Variants in PDE4B observed in about 807,000 individuals in gnomAD.
PDE4B encodes the protein 3',5'-cyclic-AMP phosphodiesterase 4B.
PDE4B carries 20 observed loss-of-function variants against 82.2 expected under a neutral mutation model. That is an observed-to-expected ratio of 0.24 (90% CI 0.17 to 0.35). PDE4B has a LOEUF of 0.35. Among genes scored for constraint, PDE4B ranks in the 10% least tolerant of loss-of-function variants. The probability of loss-of-function intolerance (pLI) is 1.00; values close to 1 mark genes in which losing one functional copy is unlikely to be tolerated. For synonymous variants in PDE4B, 320 were observed against 318.9 expected (o/e 1.00, Z -0.04); for missense variants, 655 against 907.2 (o/e 0.72, Z 3.57).
intron 3 of PDE4B, among the ~76,000 whole-genome samples, chr1:65,955,274 T>C (rs996349333): frequency 6.6e-6 from 1 of 152,098 alleles, no homozygotes; most frequent in Non-Finnish European, 1.5e-5. Context: ...CATAAAGACC[T>C]TTTGTTCTGA....
At position 66,038,802 on chromosome 1, in the gene PDE4B, T is replaced by C. The variant is rs1034731567; in HGVS notation, c.281+119967T>C. On this transcript the variant is annotated intron_variant, in intron 3 of 16. Coordinates refer to ENST00000341517, the MANE Select transcript of PDE4B (RefSeq NM_002600.4). ...GTGAAAGACCAGGTCAAGTGGAAGA[T>C]AGCTGCATCTAAGCAGTCATTGAGT... is the stretch of plus-strand genomic sequence containing the variant. 1.1e-4 allele frequency among the ~76,000 whole-genome samples: 16 copies of C among 152,108 alleles called. No homozygotes were observed. In the East Asian group the frequency reaches 2.5e-3, roughly 24 times the overall value.
At chr1:65,881,785 G>C (rs1376811347) in intron 1 of PDE4B, among the ~76,000 whole-genome samples, 2 of 152,114 alleles carry the variant, frequency 1.3e-5, no homozygotes, top group African/African-American at 4.8e-5. Flanking sequence ...ATTTATGCTT[G>C]CTAAATCAGC....
chr1:65,968,120 A>G (rs778076840), intron 3 of PDE4B, among the ~76,000 whole-genome samples: 1 of 152,112 alleles, frequency 6.6e-6, no homozygotes, highest in Non-Finnish European at 1.5e-5. Context: ...TAATAGAAAG[A>G]CTATGGACCG....
rs1647122523 is a variant in PDE4B, at chr1:65,913,599, A to C, written c.42+243A>C. On this transcript the variant is annotated intron_variant, in intron 2 of 16. Transcript: ENST00000341517. The stretch of plus-strand genomic sequence containing the variant: ...TATGGTTTTCAATCACAGAACCACC[A>C]ATCTCTAGTCTATGCCCAGATCCTC... Among the ~76,000 whole-genome samples, 3 of 152,228 alleles carry C rather than the reference A, an allele frequency of 2.0e-5. No individual in the cohort carries two copies. In the South Asian group the frequency reaches 6.2e-4, roughly 32 times the overall value.
intron 3 of PDE4B, among the ~76,000 whole-genome samples, chr1:66,210,313 T>A (rs548343351): frequency 6.6e-6 from 1 of 152,064 alleles, no homozygotes; most frequent in South Asian, 2.1e-4. Context: ...AGTAGATGAA[T>A]CTGGCCAGGC....
intron 3 of PDE4B, chr1:65,993,292 T>A (rs989727817): frequency 1.7e-6 from 1 of 604,982 alleles, no homozygotes; most frequent in Middle Eastern, 2.6e-4. Flanking sequence ...AGATGAAGAG[T>A]ACATAAATGC....
Position 66,249,117 on chromosome 1 carries a change from C to A in PDE4B, c.476+1463C>A, listed in dbSNP as rs566958915. The stretch of plus-strand genomic sequence containing the variant: ...GACTGCAGAGTAGAGGTGTCCAAGG[C>A]TGCAGGAGAGGTAGGTAGCCAGCAA... On this transcript the variant is annotated intron_variant, in intron 4 of 16. Coordinates refer to ENST00000341517, the MANE Select transcript of PDE4B (RefSeq NM_002600.4). Among the ~76,000 whole-genome samples, 71 of 152,346 alleles carry A rather than the reference C, an allele frequency of 4.7e-4. 1 individual carries two copies. The highest frequency in any genetic ancestry group is 1.6e-3 in the African/African-American group (67 of 41,578).
intron 8 of PDE4B, among the ~76,000 whole-genome samples, chr1:66,345,198 T>C (rs1328614257): frequency 1.3e-5 from 2 of 152,192 alleles, no homozygotes; most frequent in African/African-American, 4.8e-5. Context: ...TCAAATCTTG[T>C]TCTCTTTGCT....
chr1:65,973,809 GTT>G (rs71763578), intron 3 of PDE4B, among the ~76,000 whole-genome samples: 3 of 150,126 alleles, frequency 2.0e-5, no homozygotes, highest in Non-Finnish European at 3.0e-5. Flanking sequence ...GTAGCACTGG[GTT>G]TTTTTTTTTC....
chr1:65,835,741 C>T (rs1646132639), intron 1 of PDE4B, among the ~76,000 whole-genome samples: 1 of 152,080 alleles, frequency 6.6e-6, no homozygotes, highest in Non-Finnish European at 1.5e-5. Flanking sequence ...AAGCTGTCTA[C>T]ATGTTAGGTC....
intron 3 of PDE4B, among the ~76,000 whole-genome samples, chr1:66,159,609 T>C (rs988955308): frequency 6.6e-6 from 1 of 152,166 alleles, no homozygotes; most frequent in African/African-American, 2.4e-5. Context: ...AATCTGTTTG[T>C]AAAGTGCTAT....
At chr1:66,164,398 T>A (rs781223331) in intron 3 of PDE4B, among the ~76,000 whole-genome samples, 19 of 151,044 alleles carry the variant, frequency 1.3e-4, no homozygotes, top group Admixed American at 1.3e-3. Flanking sequence ...TAGCCCGGCG[T>A]GGTGGCAGGT....
intron 2 of PDE4B, among the ~76,000 whole-genome samples, chr1:65,913,980 A>G (rs1441951719): frequency 6.6e-6 from 1 of 152,134 alleles, no homozygotes; most frequent in Admixed American, 6.6e-5. Context: ...TCTGTAAACT[A>G]TCTTCTATAG....
chr1:66,157,426 C>G (rs1053876694), intron 3 of PDE4B, among the ~76,000 whole-genome samples: 3 of 152,154 alleles, frequency 2.0e-5, no homozygotes, highest in African/African-American at 7.2e-5. Flanking sequence ...GATGAAAACC[C>G]AGTTTTTTCT....
At chr1:66,289,326 GAC>G (rs1656905503) in intron 7 of PDE4B, among the ~76,000 whole-genome samples, 1 of 152,024 alleles carries the variant, frequency 6.6e-6, no homozygotes, top group Admixed American at 6.6e-5. Context: ...GGGAGAGACA[GAC>G]TATAAACAGG....
At chr1:65,958,068 T>C (rs1023731141) in intron 3 of PDE4B, among the ~76,000 whole-genome samples, 4 of 152,250 alleles carry the variant, frequency 2.6e-5, no homozygotes, top group Admixed American at 2.6e-4. Flanking sequence ...ATGCTCGTCT[T>C]GTTTCATATT....
At chr1:65,892,254 T>A (rs1279088299) in intron 1 of PDE4B, among the ~76,000 whole-genome samples, 1 of 152,090 alleles carries the variant, frequency 6.6e-6, no homozygotes, top group South Asian at 2.1e-4. Context: ...CTGAAGCTAA[T>A]GTTTTCTGTT....
intron 1 of PDE4B, among the ~76,000 whole-genome samples, chr1:65,803,665 A>T (rs914938624): frequency 6.6e-6 from 1 of 152,216 alleles, no homozygotes; most frequent in African/African-American, 2.4e-5. Flanking sequence ...AGATGGGAAA[A>T]CTCGGATTAA....
At chr1:66,067,346 ACCTGTTGTTT>A in intron 3 of PDE4B, among the ~76,000 whole-genome samples, 1 of 152,184 alleles carries the variant, frequency 6.6e-6, no homozygotes, top group Non-Finnish European at 1.5e-5. Context: ...CCTCTCCAGC[ACCTGTTGTTT>A]CCTGACATTT....
Sources: gnomAD v4.1 joint callset for allele counts (sites outside exome capture counted in the v4.1 genomes callset) on GRCh38, gnomAD v4.1.1 for gene constraint, MANE v1.5 for transcripts, NCBI Gene and HGNC (gene_info 2026-07-23, HGNC 2026-07-21) for gene names.